The following CNTNAP2 variants were observed in gnomAD, a reference collection of about 807,000 sequenced individuals.
The protein encoded by CNTNAP2 is contactin associated protein 2, also known as contactin-associated protein-like 2.
In CNTNAP2, 98 loss-of-function variants were observed where a neutral mutation model predicts 155.2. That is an observed-to-expected ratio of 0.63 (90% CI 0.54 to 0.75). The LOEUF is 0.75. Ranked by LOEUF, CNTNAP2 falls within the 30% of genes least tolerant of loss-of-function variation. The probability of loss-of-function intolerance (pLI) is 0.00; values close to 1 mark genes in which losing one functional copy is unlikely to be tolerated. For missense variants in CNTNAP2, 1,727 were observed against 1,688.1 expected (o/e 1.02, Z -0.40); for synonymous variants, 651 against 631.2 (o/e 1.03, Z -0.47).
At chr7:146,970,806 C>T (rs1797774620) in intron 3 of CNTNAP2, among the ~76,000 whole-genome samples, 1 of 152,120 alleles carries the variant, frequency 6.6e-6, no homozygotes, top group East Asian at 1.9e-4. Context: ...GACTTGGAAC[C>T]AACCCAAATG....
At chr7:146,179,295 G>A (rs1798516392) in intron 1 of CNTNAP2, among the ~76,000 whole-genome samples, 1 of 152,038 alleles carries the variant, frequency 6.6e-6, no homozygotes, top group South Asian at 2.1e-4. Context: ...GGGACATGGG[G>A]TAAATAAAAA....
At chr7:147,617,926 T>C (rs1158400259) in intron 12 of CNTNAP2, among the ~76,000 whole-genome samples, 2 of 152,184 alleles carry the variant, frequency 1.3e-5, no homozygotes, top group Non-Finnish European at 2.9e-5. Flanking sequence ...TGCAAAGCTT[T>C]GAGTTTTGAA....
chr7:147,052,220 A>G (rs1799486366), intron 4 of CNTNAP2, among the ~76,000 whole-genome samples: 1 of 152,144 alleles, frequency 6.6e-6, no homozygotes, highest in South Asian at 2.1e-4. Context: ...ATTATATTAC[A>G]TAAATATTTC....
chr7:147,316,679 G>T (rs2620451), intron 9 of CNTNAP2, among the ~76,000 whole-genome samples: 6 of 151,762 alleles, frequency 4.0e-5, no homozygotes, highest in African/African-American at 4.8e-5. Context: ...TAATGGTAAC[G>T]GATCCCATTG....
chr7:147,221,321 A>G (rs144267295), intron 8 of CNTNAP2, among the ~76,000 whole-genome samples: 18 of 152,316 alleles, frequency 1.2e-4, no homozygotes, highest in African/African-American at 4.1e-4. Flanking sequence ...TAAGTAAACT[A>G]GAGCATGGGA....
At chr7:146,381,138 C>T (rs1025900193) in intron 1 of CNTNAP2, among the ~76,000 whole-genome samples, 6 of 152,092 alleles carry the variant, frequency 3.9e-5, no homozygotes, top group African/African-American at 1.4e-4. Context: ...TGACTCTGGG[C>T]TTGACCATGT....
At chr7:146,616,469 A>G (rs533217986) in intron 1 of CNTNAP2, among the ~76,000 whole-genome samples, 186 of 152,276 alleles carry the variant, frequency 1.2e-3, no homozygotes, top group Non-Finnish European at 2.2e-3. Context: ...TCTAACCGAA[A>G]CCATCTTCTA....
At chr7:146,142,326 T>C (rs1336410784) in intron 1 of CNTNAP2, among the ~76,000 whole-genome samples, 2 of 152,200 alleles carry the variant, frequency 1.3e-5, no homozygotes, top group Non-Finnish European at 2.9e-5. Flanking sequence ...CACAACTTCG[T>C]GGACAGCATG....
intron 3 of CNTNAP2, among the ~76,000 whole-genome samples, chr7:146,926,294 T>C (rs912815996): frequency 1.3e-5 from 2 of 151,912 alleles, no homozygotes; most frequent in Non-Finnish European, 2.9e-5. Flanking sequence ...TAACAAAAAT[T>C]TTAACTTTCT....
chr7:147,362,360 C>T (rs1204809564), intron 9 of CNTNAP2, among the ~76,000 whole-genome samples: 1 of 152,150 alleles, frequency 6.6e-6, no homozygotes, highest in Non-Finnish European at 1.5e-5. Context: ...GTCTCAGACT[C>T]CTGAGCCCAA....
chr7:146,269,239 C>T (rs1272146735), intron 1 of CNTNAP2, among the ~76,000 whole-genome samples: 1 of 152,096 alleles, frequency 6.6e-6, no homozygotes, highest in Non-Finnish European at 1.5e-5. Flanking sequence ...ACTTGGGAGG[C>T]TGAGGCAGGG....
chr7:146,553,643 T>C (rs1204057804), intron 1 of CNTNAP2, among the ~76,000 whole-genome samples: 1 of 152,124 alleles, frequency 6.6e-6, no homozygotes, highest in Non-Finnish European at 1.5e-5. Context: ...TCATTTACAT[T>C]TGAAAGAAAA....
intron 8 of CNTNAP2, among the ~76,000 whole-genome samples, chr7:147,185,661 C>T (rs921928160): frequency 6.6e-6 from 1 of 152,142 alleles, no homozygotes; most frequent in Non-Finnish European, 1.5e-5. Flanking sequence ...ACTAGGAACA[C>T]TAGGACACTA....
rs1480799407 is a variant in CNTNAP2 at position 147,685,594 on chromosome 7, A to G, written c.2098+46288A>G. 4.6e-5 allele frequency among the ~76,000 whole-genome samples: 7 copies of G among 152,082 alleles called. No homozygotes were observed. The East Asian group carries it at 1.4e-3, about 29-fold the overall frequency. On this transcript the variant is annotated intron_variant, in intron 13 of 23. Transcript: ENST00000361727. ...AGATATTCTTGGCACATCAGATAACACAGTGAAAAAAAAACAGATGACAAA... is the reference window on the plus strand; with the variant it reads ...AGATATTCTTGGCACATCAGATAACGCAGTGAAAAAAAAACAGATGACAAA...
At chr7:148,308,750 C>T (rs977071208) in intron 21 of CNTNAP2, among the ~76,000 whole-genome samples, 6 of 150,754 alleles carry the variant, frequency 4.0e-5, no homozygotes, top group South Asian at 2.1e-4. Flanking sequence ...CAATAGGCCC[C>T]GGTGTGTGAT....
chr7:147,684,580 C>T (rs1795992260), intron 13 of CNTNAP2, among the ~76,000 whole-genome samples: 1 of 151,834 alleles, frequency 6.6e-6, no homozygotes, highest in African/African-American at 2.4e-5. Context: ...ATTACTTTAG[C>T]AAGTTCCAAT....
At chr7:146,770,306 A>ATG (rs200562812) in intron 1 of CNTNAP2, among the ~76,000 whole-genome samples, 4 of 139,510 alleles carry the variant, frequency 2.9e-5, no homozygotes, top group East Asian at 4.1e-4. Context: ...ATATATATAT[A>ATG]TGTGTGTGTA....
chr7:148,316,562 C>A (rs1191907230), intron 21 of CNTNAP2, among the ~76,000 whole-genome samples: 2 of 152,136 alleles, frequency 1.3e-5, no homozygotes, highest in African/African-American at 4.8e-5. Flanking sequence ...CCCGCACAGG[C>A]CTTATTTACA....
chr7:146,577,241 G>T (rs1297044552), intron 1 of CNTNAP2, among the ~76,000 whole-genome samples: 1 of 152,090 alleles, frequency 6.6e-6, no homozygotes, highest in Non-Finnish European at 1.5e-5. Flanking sequence ...GGGTAAAGAG[G>T]TAGGTATCTG....
Sources: allele counts gnomAD v4.1 joint callset (sites outside exome capture counted in the v4.1 genomes callset), GRCh38; gene constraint gnomAD v4.1.1; transcripts MANE v1.5; gene names NCBI Gene and HGNC (gene_info 2026-07-23, HGNC 2026-07-21).